NALCN: variants seen among roughly 807,000 people sequenced by gnomAD.
The protein encoded by NALCN is sodium leak channel NALCN.
Under a neutral mutation model 225.3 loss-of-function variants are expected in NALCN, and 111 were observed. The ratio of observed to expected loss-of-function variants is 0.49; its 90% CI spans 0.42 to 0.58. The LOEUF (loss-of-function observed/expected upper bound fraction) is 0.58. Among genes scored for constraint, NALCN ranks in the 20% least tolerant of loss-of-function variants. NALCN has a pLI of 0.00. For synonymous variants in NALCN, 764 were observed against 769.0 expected, an observed-to-expected ratio of 0.99 and a Z score of 0.11; for missense variants, 1,378 against 2,202.4, an observed-to-expected ratio of 0.63 and a Z score of 7.49.
At chr13:101,334,560 G>T (rs1398204750) in intron 7 of NALCN, among the ~76,000 whole-genome samples, 2 of 151,900 alleles carry the variant, frequency 1.3e-5, no homozygotes, top group Non-Finnish European at 2.9e-5. Context: ...CAATATTTAT[G>T]CATATTGAAA....
Position 101,277,456 on chromosome 13 carries a change from C to A in NALCN, c.1134+6477G>T, listed in dbSNP as rs146714612. Among the ~76,000 whole-genome samples, 190 of 152,240 alleles carry A rather than the reference C, an allele frequency of 1.2e-3. 1 individual carries two copies. Among genetic ancestry groups the A allele is most frequent in the African/African-American group, 4.5e-3 (187 of 41,550 alleles). ...ATTGTTATTATATAATCTTTGTGAT[C>A]TAAAGTTACATTATTTTCATTTATT... On this transcript the variant is annotated intron_variant, in intron 10 of 43. Coordinates refer to ENST00000251127, the MANE Select transcript of NALCN (RefSeq NM_052867.4).
chr13:101,192,350 G>A (rs553525797), intron 13 of NALCN, among the ~76,000 whole-genome samples: 80 of 152,186 alleles, frequency 5.3e-4, no homozygotes, highest in Non-Finnish European at 9.9e-4. Context: ...GGTTTTTGCC[G>A]TTAATTTTTT....
At chr13:101,202,771 C>G (rs999736590) in intron 13 of NALCN, among the ~76,000 whole-genome samples, 12 of 152,180 alleles carry the variant, frequency 7.9e-5, no homozygotes, top group African/African-American at 2.9e-4. Context: ...AAAGCTGCTC[C>G]CCCTGGTGTA....
rs2033123271 is a variant in NALCN at position 101,074,545 on chromosome 13, C to G, written c.4072G>C (p.Gly1358Arg). 2.5e-6 allele frequency: 4 copies of G among 1,612,604 alleles called. No individual in the cohort carries two copies. Among genetic ancestry groups the G allele is most frequent in the South Asian group, 1.1e-5 (1 of 90,760 alleles). ...ATATTCTCCCCATATTTCACAGTAC[C>G]AAATAAAACAACTCCAGCAAAAGCG... is the stretch of plus-strand genomic sequence containing the variant. Reference protein sequence around the residue: ...CYAFAGVVLFGTVKYGENINR... With the variant: ...CYAFAGVVLFRTVKYGENINR... The change falls in exon 36 of 44, where the codon GGT (glycine) becomes CGT (arginine). Residue 1358 changes from glycine to arginine, a missense_variant. This residue lies in a region of NALCN where 76 missense variants were observed against 118.7 expected (regional missense o/e 0.64). Transcript: ENST00000251127.
chr13:101,288,286 T>C (rs1160548299), intron 9 of NALCN, among the ~76,000 whole-genome samples: 1 of 152,224 alleles, frequency 6.6e-6, no homozygotes, highest in Non-Finnish European at 1.5e-5. Flanking sequence ...TTCTCACATA[T>C]TTTAATGATG....
intron 1 of NALCN, among the ~76,000 whole-genome samples, chr13:101,415,228 T>TATACATAC (rs137895468): frequency 2.3e-5 from 3 of 129,302 alleles, no homozygotes; most frequent in Non-Finnish European, 3.3e-5. Flanking sequence ...TATATATACA[T>TATACATAC]ACATATATAT....
rs1035322844 is a variant in NALCN, at chr13:101,243,931, C to A, written c.1267-6009G>T. ...GACTCAGACTTTGCTGCAAGTCCTG[C>A]GACAGGTACTTCCTCTCTAGCACAG... On this transcript the variant is annotated intron_variant, in intron 11 of 43. Coordinates refer to ENST00000251127, the MANE Select transcript of NALCN (RefSeq NM_052867.4). Among the ~76,000 whole-genome samples, 4 of 105,658 alleles carry A rather than the reference C, an allele frequency of 3.8e-5. 1 individual carries two copies. Among genetic ancestry groups the A allele is most frequent in the African/African-American group, 1.4e-4 (4 of 29,322 alleles). 69.3% of individuals were successfully genotyped at this position (105,658 alleles called of 152,430 possible).
At position 101,316,340 on chromosome 13, in the gene NALCN, A is replaced by C. The variant is rs115133641; in HGVS notation, c.800-23974T>G. 1.5e-3 allele frequency among the ~76,000 whole-genome samples: 224 copies of C among 152,328 alleles called. 1 individual carries two copies. The highest frequency in any genetic ancestry group is 5.1e-3 in the African/African-American group (210 of 41,582). Reference sequence around the variant, plus strand: ...CTGAAGGTCATTTATTGCCTAGAGGAGTCCTAAGTACCCAGACATTTTATG... The same window carrying C: ...CTGAAGGTCATTTATTGCCTAGAGGCGTCCTAAGTACCCAGACATTTTATG... On this transcript the variant is annotated intron_variant, in intron 7 of 43. Transcript: ENST00000251127.
chr13:101,071,390 T>C (rs2032874457), intron 37 of NALCN, among the ~76,000 whole-genome samples: 1 of 152,230 alleles, frequency 6.6e-6, no homozygotes, highest in Non-Finnish European at 1.5e-5. Flanking sequence ...TTGTTTAGTG[T>C]AGCCACCTTA....
chr13:101,206,745 T>TAC (rs200454084), intron 13 of NALCN, among the ~76,000 whole-genome samples: 4 of 147,550 alleles, frequency 2.7e-5, no homozygotes, highest in African/African-American at 7.6e-5. Context: ...TATATATATA[T>TAC]ACACATATAA....
At chr13:101,081,719 G>A (rs1040849873) in intron 33 of NALCN, 73 bp from the exon 34 acceptor site, 1 of 1,528,818 alleles carries the variant, frequency 6.5e-7, no homozygotes, top group African/African-American at 1.4e-5. Flanking sequence ...AACTTGAGAT[G>A]CATTATGTGT....
intron 13 of NALCN, among the ~76,000 whole-genome samples, chr13:101,213,401 A>G (rs1240205363): frequency 1.3e-5 from 2 of 152,200 alleles, no homozygotes; most frequent in African/African-American, 4.8e-5. Flanking sequence ...GGACTTCATG[A>G]GTAAAACACC....
Position 101,158,800 on chromosome 13 carries a change from G to A in NALCN, c.1840-13904C>T, listed in dbSNP as rs17621681. Among the ~76,000 whole-genome samples, 523 of 152,252 alleles carry A rather than the reference G, an allele frequency of 3.4e-3. 8 individuals carry two copies. The highest frequency in any genetic ancestry group is 0.024 in the Admixed American group (362 of 15,292). On this transcript the variant is annotated intron_variant, in intron 15 of 43. Transcript: ENST00000251127. ...TGATTCTCTGGAAGTCCTCTCTTGC[G>A]CTTTGGCAAAGGAGGAATAATCTCT...
At chr13:101,318,094 C>A (rs577988482) in intron 7 of NALCN, among the ~76,000 whole-genome samples, 1 of 152,250 alleles carries the variant, frequency 6.6e-6, no homozygotes, top group Admixed American at 6.5e-5. Flanking sequence ...GTCACAGAAT[C>A]CTTAGGGTGT....
chr13:101,223,035 C>G (rs2041004783), intron 13 of NALCN, among the ~76,000 whole-genome samples: 2 of 152,130 alleles, frequency 1.3e-5, no homozygotes, highest in African/African-American at 4.8e-5. Context: ...ACACCAAACA[C>G]AACAACTAAT....
At chr13:101,222,642 C>T (rs1375185425) in intron 13 of NALCN, among the ~76,000 whole-genome samples, 1 of 152,196 alleles carries the variant, frequency 6.6e-6, no homozygotes, top group Non-Finnish European at 1.5e-5. Context: ...GCCCCCTTGC[C>T]TTTGGGCACA....
chr13:101,265,071 A>G (rs1257574152), intron 10 of NALCN, among the ~76,000 whole-genome samples: 1 of 152,194 alleles, frequency 6.6e-6, no homozygotes, highest in Non-Finnish European at 1.5e-5. Context: ...TTGGACTTCT[A>G]ACTGCAGAGT....
At chr13:101,265,094 CAT>C (rs2042554604) in intron 10 of NALCN, among the ~76,000 whole-genome samples, 1 of 152,168 alleles carries the variant, frequency 6.6e-6, no homozygotes, top group African/African-American at 2.4e-5. Flanking sequence ...TAAGAGAATA[CAT>C]GTGTGTGGTT....
intron 14 of NALCN, among the ~76,000 whole-genome samples, chr13:101,178,689 A>G (rs1396005296): frequency 6.6e-6 from 1 of 152,212 alleles, no homozygotes; most frequent in African/African-American, 2.4e-5. Flanking sequence ...AAAGGCAATC[A>G]GCTCCCACAG....
Sources: gnomAD v4.1 joint callset for allele counts (sites outside exome capture counted in the v4.1 genomes callset) on GRCh38, gnomAD v4.1.1 for gene constraint, gnomAD v4.1.1 regional missense constraint, MANE v1.5 for transcripts, NCBI Gene and HGNC (gene_info 2026-07-23, HGNC 2026-07-21) for gene names.